RNF17: variants seen among roughly 807,000 people sequenced by gnomAD.
RNF17 encodes spermatogenesis associated 23.
A neutral mutation model predicts 200.5 loss-of-function variants in RNF17; 31 were observed. The ratio of observed to expected loss-of-function variants is 0.15; its 90% CI spans 0.12 to 0.21. RNF17 has a LOEUF of 0.21. Among genes scored for constraint, RNF17 ranks in the 10% least tolerant of loss-of-function variants. RNF17 has a pLI of 1.00. For missense variants in RNF17, 1,628 were observed against 1,905.1 expected (o/e 0.85, Z 2.71); for synonymous variants, 606 against 637.8 (o/e 0.95, Z 0.75).
chr13:24,803,644 C>G (rs1458435559), intron 14 of RNF17: 3 of 152,066 alleles, frequency 2.0e-5, no homozygotes, highest in African/African-American at 7.3e-5. Flanking sequence ...TAATTTTTAC[C>G]TTGGGTGATT....
At chr13:24,785,170 G>A (rs890292306) in intron 6 of RNF17, among the ~76,000 whole-genome samples, 9 of 146,006 alleles carry the variant, frequency 6.2e-5, no homozygotes, top group African/African-American at 2.3e-4. Context: ...ATGGTATATC[G>A]TTAGGTTGTT....
At chr13:24,785,558 G>C (rs767076124) in intron 6 of RNF17, among the ~76,000 whole-genome samples, 1 of 152,132 alleles carries the variant, frequency 6.6e-6, no homozygotes, top group Non-Finnish European at 1.5e-5. Context: ...TGAGAAAAAT[G>C]TTTATCCTCA....
the RNF17 span, chr13:24,886,247 C>T: frequency 1.0e-4 from 124 of 1,185,970 alleles, no homozygotes; most frequent in Non-Finnish European, 1.3e-4. Flanking sequence ...GGAAGGGTCT[C>T]GAGCAAGTGC....
At chr13:24,764,780 G>C (rs546807979) in intron 1 of RNF17, among the ~76,000 whole-genome samples, 2 of 152,232 alleles carry the variant, frequency 1.3e-5, no homozygotes, top group African/African-American at 4.8e-5. Flanking sequence ...GTTGTTGTTA[G>C]CATTTTGTTG....
At chr13:24,833,811 C>T (rs912670861) in intron 18 of RNF17, among the ~76,000 whole-genome samples, 2 of 152,294 alleles carry the variant, frequency 1.3e-5, no homozygotes, top group Non-Finnish European at 2.9e-5. Context: ...CAGCTGAGAA[C>T]AGGAACCTGC....
chr13:24,858,947 A>G (rs1301148722), intron 25 of RNF17, 54 bp from the exon 26 acceptor site: 46 of 1,142,988 alleles, frequency 4.0e-5, no homozygotes, highest in Non-Finnish European at 5.4e-5. Flanking sequence ...TATTAAATTG[A>G]CAAATGATAG....
intron 5 of RNF17, 135 bp from the exon 6 acceptor site, chr13:24,781,709 A>G (rs1244774812): frequency 1.6e-6 from 1 of 606,768 alleles, no homozygotes; most frequent in South Asian, 2.2e-5. Flanking sequence ...GACTTATTCT[A>G]TTTATATTAT....
At chr13:24,856,147 G>A (rs1312265095) in intron 25 of RNF17, among the ~76,000 whole-genome samples, 2 of 151,910 alleles carry the variant, frequency 1.3e-5, no homozygotes, top group Non-Finnish European at 2.9e-5. Context: ...TGGGCCAGGC[G>A]CAGTGGCTCA....
intron 7 of RNF17, 52 bp downstream of exon 7, chr13:24,788,211 T>G (rs771947940): frequency 1.6e-5 from 22 of 1,340,664 alleles, no homozygotes; most frequent in Non-Finnish European, 2.3e-5. Context: ...TTATTTTACA[T>G]GCTTTGGAAT....
rs2305369 is a variant in RNF17, at chr13:24,851,585, T to A, written c.3320+14T>A. On this transcript the variant is annotated intron_variant, in intron 24 of 35. Coordinates refer to ENST00000255324, the MANE Select transcript of RNF17 (RefSeq NM_031277.3). ...GAGAGAAAGGAGGTATAGACTTTTT[T>A]AAAAAATTTTGACATCAGTTTGTGA... The A allele has an allele frequency of 0.14, 211,130 of 1,549,036 alleles. 15,270 individuals are homozygous for A. Among genetic ancestry groups the A allele is most frequent in the Admixed American group, 0.16 (8,229 of 52,788 alleles).
rs768962732 is a variant in RNF17, at chr13:24,825,657, C to A, written c.2130C>A (p.Ile710=). ...ATATTTTATTTCTATTAAAGACAATCGAGGAATTCTATAAAAGTGAAGATG... is the reference window on the plus strand; with the variant it reads ...ATATTTTATTTCTATTAAAGACAATAGAGGAATTCTATAAAAGTGAAGATG... ...GLDILFLLKT[I]EEFYKSEDGE... is the part of the protein sequence containing the mutation. Residue 710 remains isoleucine, a synonymous_variant, in exon 16 of 36, where the codon ATC becomes ATA. Transcript: ENST00000255324. 1 of 1,603,804 alleles carries A rather than the reference C, an allele frequency of 6.2e-7. No homozygotes were observed. The highest frequency in any genetic ancestry group is 8.5e-7 in the Non-Finnish European group (1 of 1,171,068).
intron 13 of RNF17, among the ~76,000 whole-genome samples, chr13:24,802,143 G>A (rs556514964): frequency 2.0e-4 from 31 of 152,038 alleles, no homozygotes; most frequent in African/African-American, 6.5e-4. Context: ...CTGCCACCAC[G>A]CCCCGCTAAT....
At chr13:24,797,749 C>A (rs1386415463) in intron 11 of RNF17, among the ~76,000 whole-genome samples, 1 of 30,282 alleles carries the variant, frequency 3.3e-5, no homozygotes, top group Admixed American at 2.9e-4. Context: ...TGTGTGTTTA[C>A]CCTGCAATGG....
chr13:24,756,989 G>A, the RNF17 span, among the ~76,000 whole-genome samples: 2 of 152,208 alleles, frequency 1.3e-5, no homozygotes, highest in East Asian at 3.9e-4. Flanking sequence ...AAAAGAACAT[G>A]GCTTCATCTT....
chr13:24,755,213 G>A, the RNF17 span, among the ~76,000 whole-genome samples: 7 of 151,960 alleles, frequency 4.6e-5, no homozygotes, highest in Non-Finnish European at 7.4e-5. Flanking sequence ...TTTCATTTTT[G>A]TTTGTTTGGT....
At chr13:24,763,759 C>G (rs1310627636), upstream of RNF17, among the ~76,000 whole-genome samples, 2 of 152,156 alleles carry the variant, frequency 1.3e-5, no homozygotes, top group African/African-American at 4.8e-5. Flanking sequence ...CCAACGATAG[C>G]TTCTCATTAG....
At chr13:24,812,488 G>T (rs1451656156) in intron 15 of RNF17, among the ~76,000 whole-genome samples, 9 of 151,704 alleles carry the variant, frequency 5.9e-5, no homozygotes, top group Non-Finnish European at 1.0e-4. Context: ...GCAATGCCTC[G>T]CCCTGCTTCG....
intron 30 of RNF17, among the ~76,000 whole-genome samples, chr13:24,866,802 G>A (rs944868404): frequency 4.6e-5 from 7 of 152,168 alleles, no homozygotes; most frequent in Non-Finnish European, 7.3e-5. Context: ...GAATTACTGA[G>A]TCTGTGGTAA....
In RNF17 at chr13:24,799,576, T is replaced by G. The variant is rs1486333459; in HGVS notation, c.1581T>G (p.Ile527Met). The change falls in exon 12 of 36, where the codon ATT becomes ATG. Residue 527 changes from isoleucine to methionine, a missense_variant. Ile to Met is a conservative substitution (Grantham distance 10). This residue lies in a region of RNF17 where 289 missense variants were observed against 384.9 expected (regional missense o/e 0.75). Coordinates refer to ENST00000255324, the MANE Select transcript of RNF17 (RefSeq NM_031277.3). ...ATTTTGGAAATTCTGAAGTCCTGAT[T>G]GTCACTGGGTATGATATTTTATAAT... ...MVDFGNSEVLIVTGVVDTHVR... is the reference protein window; with the variant it reads ...MVDFGNSEVLMVTGVVDTHVR... The G allele has an allele frequency of 3.1e-6, 5 of 1,588,512 alleles. No homozygotes were observed. Among genetic ancestry groups the G allele is most frequent in the Admixed American group, 3.4e-5 (2 of 58,818 alleles).
Sources: gnomAD v4.1 joint callset for allele counts (sites outside exome capture counted in the v4.1 genomes callset) on GRCh38, gnomAD v4.1.1 for gene constraint, gnomAD v4.1.1 regional missense constraint, MANE v1.5 for transcripts, NCBI Gene and HGNC (gene_info 2026-07-23, HGNC 2026-07-21) for gene names.